The following CYB5RL variants were observed in gnomAD, a reference collection of about 807,000 sequenced individuals.
The protein encoded by CYB5RL is cytochrome b5 reductase like.
Under a neutral mutation model 37.5 loss-of-function variants are expected in CYB5RL, and 38 were observed. The ratio of observed to expected loss-of-function variants is 1.01; its 90% CI spans 0.78 to 1.33. The LOEUF (loss-of-function observed/expected upper bound fraction) is 1.33, where lower values mean the gene tolerates loss of function less well. Ranked by LOEUF, CYB5RL falls within the 40% of genes most tolerant of loss-of-function variation. The pLI, the probability that CYB5RL is intolerant of heterozygous loss-of-function variation, is 0.00. For synonymous variants in CYB5RL, 141 were observed against 151.9 expected (o/e 0.93, Z 0.53); for missense variants, 388 against 394.4 (o/e 0.98, Z 0.14).
chr1:54,181,049 G>A (rs540478386), intron 6 of CYB5RL, among the ~76,000 whole-genome samples: 1 of 152,260 alleles, frequency 6.6e-6, no homozygotes, highest in Admixed American at 6.5e-5. Flanking sequence ...AAAGAAAACT[G>A]CCTGGTGCAG....
intron 3 of CYB5RL, among the ~76,000 whole-genome samples, chr1:54,195,204 T>C (rs1014099813): frequency 5.9e-5 from 9 of 152,278 alleles, no homozygotes; most frequent in Non-Finnish European, 8.8e-5. Context: ...ATTTTACAGA[T>C]GGGGAAACTA....
intron 6 of CYB5RL, among the ~76,000 whole-genome samples, chr1:54,180,429 C>G (rs1364849112): frequency 6.6e-6 from 1 of 151,322 alleles, no homozygotes; most frequent in Admixed American, 6.6e-5. Context: ...ACGGTGAAAC[C>G]CCATCTCTAC....
intron 1 of CYB5RL, among the ~76,000 whole-genome samples, chr1:54,198,274 G>A (rs1183495365): frequency 1.3e-5 from 2 of 151,504 alleles, no homozygotes; most frequent in Non-Finnish European, 2.9e-5. Flanking sequence ...TATGGACCAG[G>A]TATGCATTAT....
intron 6 of CYB5RL, among the ~76,000 whole-genome samples, chr1:54,179,615 T>C (rs933015928): frequency 1.3e-5 from 2 of 152,202 alleles, no homozygotes; most frequent in African/African-American, 2.4e-5. Flanking sequence ...AGTGGCCTGG[T>C]TGCCTACTAA....
chr1:54,190,445 C>A, intron 4 of CYB5RL: 1 of 567,988 alleles, frequency 1.8e-6, no homozygotes, highest in Non-Finnish European at 3.1e-6. Flanking sequence ...ACTTCAATTT[C>A]CTCTGGGGTA....
At chr1:54,187,204 C>T (rs1643908419) in intron 5 of CYB5RL, among the ~76,000 whole-genome samples, 1 of 152,180 alleles carries the variant, frequency 6.6e-6, no homozygotes. Flanking sequence ...CCTCCATCCA[C>T]CCTGCCTTCT....
At position 54,174,840 on chromosome 1, in the gene CYB5RL, G is replaced by C. The variant is rs748631826; in HGVS notation, c.745-18C>G. On this transcript the variant is annotated intron_variant, in intron 7 of 7. Transcript: ENST00000534324. ...GAGCTCTCCTGGGAAGACAAGAAAG[G>C]CATGGGTGACTACAAGGGAGCGGGG... 1 of 1,609,070 alleles carries C rather than the reference G, an allele frequency of 6.2e-7. No homozygotes were observed. The highest frequency in any genetic ancestry group is 1.7e-4 in the Middle Eastern group (1 of 6,040).
chr1:54,173,942 G>A lies in CYB5RL; in HGVS notation c.*677C>T, dbSNP rs1659953669. 1.3e-5 allele frequency: 2 copies of A among 153,326 alleles called. No individual in the cohort carries two copies. Among genetic ancestry groups the A allele is most frequent in the African/African-American group, 4.8e-5 (2 of 41,416 alleles). The allele number at this position is 153,326 out of a possible 1,614,324, so 9.5% of individuals were successfully genotyped here. Reference sequence around the variant, plus strand: ...AGTGGCTGCCTGCAGGAGGAGGGAGGGGCGTTTCCTTCCCGTGCCTCTTCT... The same window carrying A: ...AGTGGCTGCCTGCAGGAGGAGGGAGAGGCGTTTCCTTCCCGTGCCTCTTCT... On this transcript the variant is annotated 3_prime_UTR_variant, in exon 8 of 8. Transcript: ENST00000534324.
At chr1:54,182,927 T>C (rs376224604) in intron 6 of CYB5RL, among the ~76,000 whole-genome samples, 2 of 152,376 alleles carry the variant, frequency 1.3e-5, no homozygotes, top group Middle Eastern at 6.8e-3. Context: ...TTTGTTTTCA[T>C]TTTGCTTTGT....
In CYB5RL at chr1:54,188,708, A is replaced by G. The variant is rs531693365; in HGVS notation, c.348-969T>C. ...ACTTGCACAGCTCAAATTCAATCAC[A>G]GCTCTAACTTCAGAGCTGGGTTCCT... On this transcript the variant is annotated intron_variant, in intron 4 of 7. Coordinates refer to ENST00000534324, the MANE Select transcript of CYB5RL (RefSeq NM_001031672.4). 2.0e-5 allele frequency among the ~76,000 whole-genome samples: 3 copies of G among 152,336 alleles called. No homozygotes were observed. The South Asian group carries it at 6.2e-4, about 32-fold the overall frequency.
intron 3 of CYB5RL, among the ~76,000 whole-genome samples, chr1:54,192,582 C>A (rs919299695): frequency 6.6e-6 from 1 of 152,050 alleles, no homozygotes; most frequent in Non-Finnish European, 1.5e-5. Flanking sequence ...GTGCCAGGTG[C>A]TTTACATATT....
Position 54,171,141 on chromosome 1 carries a change from T to A in CYB5RL, c.*3478A>T. The A allele has an allele frequency of 2.2e-6, 1 of 455,358 alleles. No individual in the cohort carries two copies. The highest frequency in any genetic ancestry group is 7.0e-5 in the East Asian group (1 of 14,362). The allele number at this position is 455,358 out of a possible 1,614,324, so 28.2% of individuals were successfully genotyped here. On this transcript the variant is annotated 3_prime_UTR_variant, in exon 8 of 8. Transcript: ENST00000534324. Reference sequence around the variant, plus strand: ...GACAGGCGAGGCTCCCGGGAGGAAGTGACACTGAGCTGAGACCTCAAAAGA... The same window carrying A: ...GACAGGCGAGGCTCCCGGGAGGAAGAGACACTGAGCTGAGACCTCAAAAGA...
chr1:54,194,537 G>A (rs1274795797), intron 3 of CYB5RL, among the ~76,000 whole-genome samples: 1 of 152,160 alleles, frequency 6.6e-6, no homozygotes, highest in African/African-American at 2.4e-5. Context: ...GGCCAGGCAA[G>A]GTGGCTTACG....
chr1:54,198,786 C>G (rs1644042328), intron 1 of CYB5RL, among the ~76,000 whole-genome samples: 1 of 151,916 alleles, frequency 6.6e-6, no homozygotes, highest in Non-Finnish European at 1.5e-5. Context: ...TGCGTGCCAT[C>G]ACGCCTCGCT....
At chr1:54,187,617 A>G in intron 5 of CYB5RL, 35 bp downstream of exon 5, 2 of 1,598,304 alleles carry the variant, frequency 1.3e-6, no homozygotes, top group Non-Finnish European at 1.7e-6. Context: ...TAGCTTCTCC[A>G]CGGCATCTTG....
intron 3 of CYB5RL, among the ~76,000 whole-genome samples, chr1:54,193,212 T>C (rs1224482285): frequency 6.6e-6 from 1 of 152,252 alleles, no homozygotes; most frequent in Non-Finnish European, 1.5e-5. Context: ...AAATATTTAA[T>C]GAGTGCCAAC....
intron 1 of CYB5RL, among the ~76,000 whole-genome samples, chr1:54,197,955 G>A (rs1007078467): frequency 2.0e-5 from 3 of 148,818 alleles, no homozygotes; most frequent in African/African-American, 7.5e-5. Flanking sequence ...GTGAACCCAG[G>A]AGGCGGAGGC....
intron 6 of CYB5RL, among the ~76,000 whole-genome samples, chr1:54,182,390 T>C (rs1396353442): frequency 6.6e-6 from 1 of 152,148 alleles, no homozygotes; most frequent in Non-Finnish European, 1.5e-5. Context: ...CATATACTCA[T>C]GTGGAAGAGG....
intron 3 of CYB5RL, among the ~76,000 whole-genome samples, chr1:54,191,897 C>G (rs1488247361): frequency 2.0e-5 from 3 of 152,178 alleles, no homozygotes; most frequent in African/African-American, 7.2e-5. Context: ...GGGTTTAGCC[C>G]CAGCTCAGCT....
Sources: allele counts gnomAD v4.1 joint callset (sites outside exome capture counted in the v4.1 genomes callset), GRCh38; gene constraint gnomAD v4.1.1; transcripts MANE v1.5; gene names NCBI Gene and HGNC (gene_info 2026-07-23, HGNC 2026-07-21).